ANXA10: variants seen among roughly 807,000 people sequenced by gnomAD.
ANXA10 encodes the protein annexin A10.
A neutral mutation model predicts 53.5 loss-of-function variants in ANXA10; 49 were observed. The ratio of observed to expected loss-of-function variants is 0.92; its 90% CI spans 0.73 to 1.16. The LOEUF (loss-of-function observed/expected upper bound fraction) is 1.16, where lower values mean the gene tolerates loss of function less well. Among genes scored for constraint, ANXA10 ranks in the 50% most tolerant of loss-of-function variants. The pLI is 0.00. For synonymous variants in ANXA10, 131 were observed against 128.9 expected (o/e 1.02, Z -0.11); for missense variants, 393 against 394.4 (o/e 1.00, Z 0.03).
At chr4:168,157,459 G>T (rs1270151022) in intron 3 of ANXA10, among the ~76,000 whole-genome samples, 1 of 151,998 alleles carries the variant, frequency 6.6e-6, no homozygotes, top group South Asian at 2.1e-4. Context: ...GTAGAGACAG[G>T]GTTTCAGCAT....
chr4:168,094,954 C>T (rs980907919), intron 1 of ANXA10, among the ~76,000 whole-genome samples: 8 of 152,050 alleles, frequency 5.3e-5, no homozygotes, highest in African/African-American at 1.9e-4. Flanking sequence ...GTAAGACCAT[C>T]TTTCAAAAGC....
intron 6 of ANXA10, among the ~76,000 whole-genome samples, chr4:168,167,637 T>C (rs1307238512): frequency 6.6e-6 from 1 of 152,224 alleles, no homozygotes; most frequent in Non-Finnish European, 1.5e-5. Context: ...TCTTAGTTTG[T>C]AATGTCTTTG....
intron 3 of ANXA10, among the ~76,000 whole-genome samples, chr4:168,159,932 A>C (rs772921964): frequency 1.3e-5 from 2 of 152,174 alleles, no homozygotes; most frequent in Non-Finnish European, 2.9e-5. Context: ...GAACCAAAGT[A>C]TTGCATGTTT....
intron 1 of ANXA10, among the ~76,000 whole-genome samples, chr4:168,123,360 A>G (rs927763505): frequency 2.0e-5 from 3 of 152,218 alleles, no homozygotes; most frequent in African/African-American, 7.2e-5. Context: ...AACTGAGCTC[A>G]GTTCCAAATA....
chr4:168,146,168 C>G (rs1042956002), intron 3 of ANXA10, among the ~76,000 whole-genome samples: 1 of 152,150 alleles, frequency 6.6e-6, no homozygotes, highest in African/African-American at 2.4e-5. Flanking sequence ...CTTGGCCTCT[C>G]AAAGTGCTGG....
intron 3 of ANXA10, among the ~76,000 whole-genome samples, chr4:168,156,788 C>T (rs534414962): frequency 8.2e-4 from 125 of 152,128 alleles, no homozygotes; most frequent in South Asian, 1.7e-3. Flanking sequence ...CAGGCATGAG[C>T]AACCATGCCC....
At chr4:168,109,546 A>T (rs1277051863) in intron 1 of ANXA10, among the ~76,000 whole-genome samples, 1 of 152,164 alleles carries the variant, frequency 6.6e-6, no homozygotes, top group Admixed American at 6.5e-5. Context: ...ATAAATCACC[A>T]AGTTAGTATT....
chr4:168,177,509 TTACCAGTGC>T (rs1560791972), intron 6 of ANXA10, among the ~76,000 whole-genome samples: 2 of 152,118 alleles, frequency 1.3e-5, no homozygotes. Flanking sequence ...CTTTCAAACA[TTACCAGTGC>T]TGCAAAGAAA....
intron 1 of ANXA10, among the ~76,000 whole-genome samples, chr4:168,100,762 G>A (rs561076057): frequency 6.6e-6 from 1 of 152,084 alleles, no homozygotes; most frequent in African/African-American, 2.4e-5. Flanking sequence ...AAAATACTAT[G>A]TTTAAACTTT....
Position 168,165,296 on chromosome 4 carries a change from C to A in ANXA10, c.450C>A (p.His150Gln). 1 of 1,588,462 alleles carries A rather than the reference C, an allele frequency of 6.3e-7. No homozygotes were observed. Among genetic ancestry groups the A allele is most frequent in the Non-Finnish European group, 8.6e-7 (1 of 1,164,696 alleles). ...QEDIYSETSGHFRDTLMNLVQ... is the reference protein window; with the variant it reads ...QEDIYSETSGQFRDTLMNLVQ... ...ACATTTATTCAGAGACCTCAGGACA[C>A]TTCAGAGATACTCTCATGAACTTGG... Residue 150 changes from histidine to glutamine, a missense_variant, in exon 6 of 12, where the codon CAC becomes CAA. Transcript: ENST00000359299.
Position 168,155,974 on chromosome 4 carries a change from TG to T in ANXA10, c.196-6553del, listed in dbSNP as rs1731645799. Among the ~76,000 whole-genome samples the T allele has an allele frequency of 5.8e-5, 4 of 68,492 alleles. 2 individuals are homozygous for T. Among genetic ancestry groups the T allele is most frequent in the African/African-American group, 2.5e-4 (4 of 16,068 alleles). The allele number at this position is 68,492 out of a possible 152,430, so 44.9% of individuals were successfully genotyped here. A position where few individuals can be genotyped will look rare whatever the true frequency, so the allele number is the denominator to read the frequency against. On this transcript the variant is annotated intron_variant, in intron 3 of 11. Coordinates refer to ENST00000359299, the MANE Select transcript of ANXA10 (RefSeq NM_007193.5). ...ATGATATATCATATATTATATTATA[TG>T]ATATATCATATATTATACATAATTT...
chr4:168,181,654 T>C (rs1560793732), intron 9 of ANXA10, 29 bp from the exon 10 acceptor site: 4 of 1,559,866 alleles, frequency 2.6e-6, no homozygotes, highest in Non-Finnish European at 3.5e-6. Flanking sequence ...ACTCTCAATG[T>C]TTCTTCTTCT....
intron 2 of ANXA10, among the ~76,000 whole-genome samples, chr4:168,136,405 A>G (rs1258944059): frequency 1.3e-5 from 2 of 152,176 alleles, no homozygotes; most frequent in Non-Finnish European, 2.9e-5. Flanking sequence ...AAAATCAAAA[A>G]CAAGTTAGTT....
At chr4:168,182,913 G>A (rs1384689533) in intron 10 of ANXA10, among the ~76,000 whole-genome samples, 1 of 150,194 alleles carries the variant, frequency 6.7e-6, no homozygotes, top group Admixed American at 6.6e-5. Flanking sequence ...GGGAGGCTGA[G>A]GCAGGAGAAT....
intron 2 of ANXA10, among the ~76,000 whole-genome samples, chr4:168,129,825 G>A (rs1170584758): frequency 6.6e-6 from 1 of 152,060 alleles, no homozygotes; most frequent in Non-Finnish European, 1.5e-5. Flanking sequence ...TTCCCTAATA[G>A]TACAGTCTAC....
chr4:168,137,693 CACTT>C (rs1283181769), intron 2 of ANXA10, among the ~76,000 whole-genome samples: 2 of 152,118 alleles, frequency 1.3e-5, no homozygotes, highest in African/African-American at 4.8e-5. Flanking sequence ...TGTTGATAGA[CACTT>C]AGGTTGATTA....
chr4:168,110,017 T>A (rs1252552488), intron 1 of ANXA10, among the ~76,000 whole-genome samples: 4 of 152,136 alleles, frequency 2.6e-5, no homozygotes, highest in Non-Finnish European at 5.9e-5. Context: ...GAGACCATCC[T>A]GGCGAAGACG....
At chr4:168,138,044 T>G (rs1282880176) in intron 2 of ANXA10, among the ~76,000 whole-genome samples, 1 of 151,186 alleles carries the variant, frequency 6.6e-6, no homozygotes, top group Non-Finnish European at 1.5e-5. Context: ...ACACTGCAAC[T>G]TCCACCTCCC....
chr4:168,095,922 C>T (rs1322443096), intron 1 of ANXA10, among the ~76,000 whole-genome samples: 1 of 152,112 alleles, frequency 6.6e-6, no homozygotes, highest in Non-Finnish European at 1.5e-5. Flanking sequence ...GATGCTTTGA[C>T]TCATGAGTTT....
Sources: gnomAD v4.1 joint callset for allele counts (sites outside exome capture counted in the v4.1 genomes callset) on GRCh38, gnomAD v4.1.1 for gene constraint, MANE v1.5 for transcripts, NCBI Gene and HGNC (gene_info 2026-07-23, HGNC 2026-07-21) for gene names.